OPCML: variants seen among roughly 807,000 people sequenced by gnomAD.
The protein encoded by OPCML is opioid-binding protein/cell adhesion molecule.
OPCML carries 13 observed loss-of-function variants against 37.8 expected under a neutral mutation model. That is an observed-to-expected ratio of 0.34 (90% CI 0.22 to 0.55). The LOEUF is 0.55. Among genes scored for constraint, OPCML ranks in the 20% least tolerant of loss-of-function variants. The pLI is 0.91. For synonymous variants in OPCML, 176 were observed against 168.8 expected (o/e 1.04, Z -0.33); for missense variants, 341 against 435.6 (o/e 0.78, Z 1.93).
intron 1 of OPCML, among the ~76,000 whole-genome samples, chr11:133,145,062 C>T (rs73023519): frequency 0.03 from 4,641 of 152,280 alleles, 103 homozygotes; most frequent in Middle Eastern, 0.082. Flanking sequence ...CAGCAGAAAA[C>T]GGCAGCGAGT....
intron 2 of OPCML, among the ~76,000 whole-genome samples, chr11:132,900,433 G>T (rs538185081): frequency 6.6e-6 from 1 of 152,100 alleles, no homozygotes; most frequent in Non-Finnish European, 1.5e-5. Context: ...CTCAACTCTC[G>T]CCTTGCATCC....
At chr11:133,008,350 G>A in intron 1 of OPCML, 1 of 985,322 alleles carries the variant, frequency 1.0e-6, no homozygotes. Flanking sequence ...GACCTGAAAG[G>A]AATATGTTCC....
At chr11:133,474,240 C>T (rs983629226) in intron 1 of OPCML, among the ~76,000 whole-genome samples, 4 of 152,274 alleles carry the variant, frequency 2.6e-5, no homozygotes, top group East Asian at 1.9e-4. Context: ...ACGTGCTTCA[C>T]GCCAAGGATA....
intron 1 of OPCML, among the ~76,000 whole-genome samples, chr11:133,062,665 A>T (rs1054765024): frequency 6.6e-6 from 1 of 152,174 alleles, no homozygotes; most frequent in Non-Finnish European, 1.5e-5. Flanking sequence ...CACCGCACCC[A>T]AGACTGCCTG....
At chr11:133,304,252 T>G (rs1200277645) in intron 1 of OPCML, among the ~76,000 whole-genome samples, 4 of 152,276 alleles carry the variant, frequency 2.6e-5, no homozygotes, top group Middle Eastern at 3.4e-3. Context: ...CGTAGCCCCT[T>G]AATTGTAGGA....
At chr11:133,247,710 T>C (rs1225599225) in intron 1 of OPCML, among the ~76,000 whole-genome samples, 2 of 151,968 alleles carry the variant, frequency 1.3e-5, no homozygotes, top group African/African-American at 4.8e-5. Context: ...TTCAAGCAAT[T>C]CTCATGCCTC....
chr11:132,684,915 T>TATTTA (rs2135865767), intron 2 of OPCML, among the ~76,000 whole-genome samples: 1 of 152,354 alleles, frequency 6.6e-6, no homozygotes, highest in East Asian at 1.9e-4. Flanking sequence ...TCAATATTGG[T>TATTTA]ACAGCTATTA....
intron 4 of OPCML, among the ~76,000 whole-genome samples, chr11:132,498,310 A>G (rs1276581234): frequency 6.6e-6 from 1 of 152,194 alleles, no homozygotes; most frequent in Non-Finnish European, 1.5e-5. Context: ...AACAAAGGCC[A>G]TTGGTCATCT....
At chr11:133,263,566 C>T (rs1161641021) in intron 1 of OPCML, among the ~76,000 whole-genome samples, 1 of 152,008 alleles carries the variant, frequency 6.6e-6, no homozygotes, top group Non-Finnish European at 1.5e-5. Context: ...TGAAATTGTC[C>T]AACAGTGCAT....
chr11:133,197,557 A>C (rs1938583986), intron 1 of OPCML, among the ~76,000 whole-genome samples: 2 of 152,184 alleles, frequency 1.3e-5, no homozygotes, highest in African/African-American at 4.8e-5. Flanking sequence ...CCTAGATAAT[A>C]AGCCACTTGC....
At chr11:133,037,905 C>T (rs749185236) in intron 1 of OPCML, among the ~76,000 whole-genome samples, 5 of 152,204 alleles carry the variant, frequency 3.3e-5, no homozygotes, top group African/African-American at 1.2e-4. Context: ...ACACTCTTGC[C>T]CCTTCTGGCT....
chr11:133,439,382 T>C lies in OPCML; in HGVS notation c.61+92882A>G, dbSNP rs116253051. On this transcript the variant is annotated intron_variant, in intron 1 of 7. Transcript: ENST00000524381. ...ACCATGCCACACCTAGATGAGTTTA[T>C]AGGAAAAATTCCGTCTGTTTCAGGG... The C allele has an allele frequency of 1.9e-4, 187 of 985,156 alleles. No individual in the cohort carries two copies. In the African/African-American group the frequency reaches 2.7e-3, roughly 14 times the overall value. 61.0% of individuals were successfully genotyped at this position (985,156 alleles called of 1,614,324 possible).
chr11:133,266,381 C>T (rs554189810), intron 1 of OPCML, among the ~76,000 whole-genome samples: 1 of 152,166 alleles, frequency 6.6e-6, no homozygotes, highest in African/African-American at 2.4e-5. Context: ...TTTCATGACT[C>T]CCACGTATCC....
At chr11:132,466,142 G>C (rs1168117572) in intron 4 of OPCML, among the ~76,000 whole-genome samples, 5 of 152,064 alleles carry the variant, frequency 3.3e-5, no homozygotes, top group Admixed American at 3.3e-4. Flanking sequence ...GAAGACAATG[G>C]CACAGGGAGG....
At chr11:133,082,462 C>CTT (rs1948742359) in intron 1 of OPCML, among the ~76,000 whole-genome samples, 1 of 95,552 alleles carries the variant, frequency 1.0e-5, no homozygotes, top group African/African-American at 4.1e-5. Context: ...CCTCCCCATC[C>CTT]TCCCCATCCT....
At chr11:133,047,429 T>G (rs576945563) in intron 1 of OPCML, among the ~76,000 whole-genome samples, 2 of 152,368 alleles carry the variant, frequency 1.3e-5, no homozygotes, top group East Asian at 3.9e-4. Context: ...TTGTTATTTA[T>G]TATTCAATAA....
At chr11:133,310,655 T>A (rs1391933874) in intron 1 of OPCML, among the ~76,000 whole-genome samples, 1 of 152,132 alleles carries the variant, frequency 6.6e-6, no homozygotes, top group Non-Finnish European at 1.5e-5. Flanking sequence ...TTATAATTAT[T>A]GCTAAATGCC....
chr11:133,159,245 C>A (rs1051036800), intron 1 of OPCML, among the ~76,000 whole-genome samples: 8 of 152,212 alleles, frequency 5.3e-5, no homozygotes, highest in African/African-American at 1.9e-4. Context: ...ATGCTTCATT[C>A]CCATGAGGGC....
intron 4 of OPCML, among the ~76,000 whole-genome samples, chr11:132,455,654 T>C (rs748558690): frequency 7.2e-5 from 11 of 152,228 alleles, no homozygotes; most frequent in Non-Finnish European, 1.6e-4. Context: ...ATGTTCACTG[T>C]ACATTTAAAT....
Sources: allele counts gnomAD v4.1 joint callset (sites outside exome capture counted in the v4.1 genomes callset), GRCh38; gene constraint gnomAD v4.1.1; transcripts MANE v1.5; gene names NCBI Gene and HGNC (gene_info 2026-07-23, HGNC 2026-07-21).